Variants in KCTD16 observed in about 807,000 individuals in gnomAD.
The protein encoded by KCTD16 is BTB/POZ domain-containing protein KCTD16.
In KCTD16, 13 loss-of-function variants were observed where a neutral mutation model predicts 33.2. The observed-to-expected ratio is 0.39, with a 90% CI of 0.25 to 0.62. KCTD16 has a LOEUF of 0.62. Ranked by LOEUF, KCTD16 falls within the 20% of genes least tolerant of loss-of-function variation. The pLI is 0.50. For missense variants in KCTD16, 441 were observed against 525.1 expected (o/e 0.84, Z 1.57); for synonymous variants, 197 against 195.3 (o/e 1.01, Z -0.07).
chr5:144,347,393 G>A (rs1561575863), intron 3 of KCTD16, among the ~76,000 whole-genome samples: 1 of 152,092 alleles, frequency 6.6e-6, no homozygotes, highest in African/African-American at 2.4e-5. Flanking sequence ...TCAGGAGTTC[G>A]AGACCCGCCT....
intron 2 of KCTD16, among the ~76,000 whole-genome samples, chr5:144,200,844 C>T (rs1270206630): frequency 6.6e-6 from 1 of 152,196 alleles, no homozygotes; most frequent in East Asian, 1.9e-4. Flanking sequence ...TCAAGGTATT[C>T]TCCCCCCTCA....
chr5:144,201,947 TAG>T (rs1355693636), intron 2 of KCTD16, among the ~76,000 whole-genome samples: 2 of 152,184 alleles, frequency 1.3e-5, no homozygotes, highest in Non-Finnish European at 2.9e-5. Flanking sequence ...AGTGAGAATG[TAG>T]AGAGTGATCA....
At chr5:144,462,813 G>A (rs529782450) in intron 3 of KCTD16, among the ~76,000 whole-genome samples, 1 of 152,136 alleles carries the variant, frequency 6.6e-6, no homozygotes, top group Non-Finnish European at 1.5e-5. Flanking sequence ...TGCTTTCACT[G>A]GTCATTGAAT....
intron 3 of KCTD16, among the ~76,000 whole-genome samples, chr5:144,234,051 A>G (rs2126815059): frequency 6.6e-6 from 1 of 152,316 alleles, no homozygotes; most frequent in East Asian, 1.9e-4. Context: ...TCCATTGTGA[A>G]GAATATAATC....
intron 2 of KCTD16, among the ~76,000 whole-genome samples, chr5:144,178,641 T>C (rs528063031): frequency 6.2e-4 from 94 of 152,220 alleles, no homozygotes; most frequent in Non-Finnish European, 1.0e-3. Context: ...TGAATTTTCC[T>C]CTCTGGAAGA....
chr5:144,355,214 CT>C lies in KCTD16; in HGVS notation c.833-118437del, dbSNP rs921747690. On this transcript the variant is annotated intron_variant, in intron 3 of 3. Coordinates refer to ENST00000512467, the MANE Select transcript of KCTD16 (RefSeq NM_020768.4). ...ATTTTCAGATGACAACAATATCAAC[CT>C]TTTTTTTTGAGATTTAGTTATCAAG... Among the ~76,000 whole-genome samples, 9 of 151,412 alleles carry C rather than the reference CT, an allele frequency of 5.9e-5. No individual in the cohort carries two copies. In the East Asian group the frequency reaches 7.7e-4, roughly 13 times the overall value.
intron 3 of KCTD16, among the ~76,000 whole-genome samples, chr5:144,332,973 A>G (rs1752395662): frequency 6.6e-6 from 1 of 152,162 alleles, no homozygotes; most frequent in Non-Finnish European, 1.5e-5. Flanking sequence ...CGTGAGACTT[A>G]TTCACTGTCA....
At chr5:144,221,854 A>G (rs1269828626) in intron 3 of KCTD16, among the ~76,000 whole-genome samples, 1 of 152,194 alleles carries the variant, frequency 6.6e-6, no homozygotes, top group African/African-American at 2.4e-5. Context: ...TGTCTTCCAC[A>G]ATGGTTGAAC....
chr5:144,421,517 C>T (rs1753209211), intron 3 of KCTD16, among the ~76,000 whole-genome samples: 1 of 152,120 alleles, frequency 6.6e-6, no homozygotes, highest in Admixed American at 6.6e-5. Context: ...GCCATCAGTA[C>T]TCCATCTGGT....
intron 3 of KCTD16, among the ~76,000 whole-genome samples, chr5:144,292,532 G>T (rs544828630): frequency 6.6e-6 from 1 of 152,164 alleles, no homozygotes; most frequent in Admixed American, 6.6e-5. Flanking sequence ...AGCCCTAGAC[G>T]TGCTGCTTTG....
At chr5:144,280,691 A>AAGGCGGGCGGATCACG (rs1402616174) in intron 3 of KCTD16, among the ~76,000 whole-genome samples, 1 of 152,138 alleles carries the variant, frequency 6.6e-6, no homozygotes, top group East Asian at 1.9e-4. Context: ...TCGGGAGGCC[A>AAGGCGGGCGGATCACG]AGGCGGGCGG....
At chr5:144,301,725 C>CA (rs1441639451) in intron 3 of KCTD16, among the ~76,000 whole-genome samples, 2 of 152,090 alleles carry the variant, frequency 1.3e-5, no homozygotes, top group Admixed American at 6.5e-5. Context: ...AACCCATGAA[C>CA]AAAAAAGTGT....
Position 144,430,208 on chromosome 5 carries a change from T to C in KCTD16, c.833-43452T>C, listed in dbSNP as rs187189820. Among the ~76,000 whole-genome samples, 868 of 152,276 alleles carry C rather than the reference T, an allele frequency of 5.7e-3. 3 individuals are homozygous for C. Among genetic ancestry groups the C allele is most frequent in the Non-Finnish European group, 9.6e-3 (652 of 68,008 alleles). On this transcript the variant is annotated intron_variant, in intron 3 of 3. Coordinates refer to ENST00000512467, the MANE Select transcript of KCTD16 (RefSeq NM_020768.4). Reference sequence around the variant, plus strand: ...CCTTCCAACTTGGCAAGCATACTTATCTTGCACTAACCAATGAGTTTCATT... The same window carrying C: ...CCTTCCAACTTGGCAAGCATACTTACCTTGCACTAACCAATGAGTTTCATT...
chr5:144,356,301 C>T (rs1751570076), intron 3 of KCTD16, among the ~76,000 whole-genome samples: 1 of 152,078 alleles, frequency 6.6e-6, no homozygotes, highest in Non-Finnish European at 1.5e-5. Context: ...TATGCTTTTT[C>T]TCTGAGTAAG....
chr5:144,457,474 G>A (rs932224005), intron 3 of KCTD16, among the ~76,000 whole-genome samples: 1 of 152,134 alleles, frequency 6.6e-6, no homozygotes, highest in Non-Finnish European at 1.5e-5. Context: ...AGGGAGGAGG[G>A]GGATTGGAAG....
chr5:144,464,833 T>C (rs1754284380), intron 3 of KCTD16, among the ~76,000 whole-genome samples: 1 of 152,048 alleles, frequency 6.6e-6, no homozygotes. Context: ...CTAATGTGAG[T>C]TTCCAGGTTT....
At chr5:144,391,762 A>G (rs1752454451) in intron 3 of KCTD16, among the ~76,000 whole-genome samples, 1 of 152,264 alleles carries the variant, frequency 6.6e-6, no homozygotes, top group South Asian at 2.1e-4. Context: ...AAACAAAGGC[A>G]TAAAGACGTG....
chr5:144,467,027 C>A lies in KCTD16; in HGVS notation c.833-6633C>A, dbSNP rs543549450. On this transcript the variant is annotated intron_variant, in intron 3 of 3. Coordinates refer to ENST00000512467, the MANE Select transcript of KCTD16 (RefSeq NM_020768.4). ...TATATTATATATAATATATATAACA[C>A]TATATATTATATATAATATATATAA... 2.4e-3 allele frequency among the ~76,000 whole-genome samples: 159 copies of A among 67,414 alleles called. 1 individual carries two copies. The highest frequency in any genetic ancestry group is 6.9e-3 in the African/African-American group (145 of 20,870). The allele number at this position is 67,414 out of a possible 152,430, so 44.2% of individuals were successfully genotyped here. A position where few individuals can be genotyped will look rare whatever the true frequency, so the allele number is the denominator to read the frequency against.
intron 3 of KCTD16, among the ~76,000 whole-genome samples, chr5:144,359,846 G>A (rs578012271): frequency 3.9e-5 from 6 of 152,002 alleles, no homozygotes; most frequent in African/African-American, 1.4e-4. Context: ...GAAGTCAATG[G>A]ATGTGCCCCT....
Sources: gnomAD v4.1 joint callset for allele counts (sites outside exome capture counted in the v4.1 genomes callset) on GRCh38, gnomAD v4.1.1 for gene constraint, MANE v1.5 for transcripts, NCBI Gene and HGNC (gene_info 2026-07-23, HGNC 2026-07-21) for gene names.